CNGB1: variants seen among roughly 807,000 people sequenced by gnomAD.
CNGB1 encodes the protein cyclic nucleotide gated channel subunit beta 1.
Under a neutral mutation model 151.7 loss-of-function variants are expected in CNGB1, and 126 were observed. That is an observed-to-expected ratio of 0.83 (90% CI 0.72 to 0.96). The LOEUF (loss-of-function observed/expected upper bound fraction) is 0.96, where lower values mean the gene tolerates loss of function less well. Among genes scored for constraint, CNGB1 ranks in the 40% least tolerant of loss-of-function variants. CNGB1 has a pLI of 0.00. For synonymous variants in CNGB1, 623 were observed against 635.1 expected, an observed-to-expected ratio of 0.98 and a Z score of 0.29; for missense variants, 1,698 against 1,627.0, an observed-to-expected ratio of 1.04 and a Z score of -0.75.
Position 57,950,467 on chromosome 16 carries a change from G to A in CNGB1, c.948C>T (p.Ala316=), listed in dbSNP as rs1421952784. 1 of 1,614,060 alleles carries A rather than the reference G, an allele frequency of 6.2e-7. No individual in the cohort carries two copies. Among genetic ancestry groups the A allele is most frequent in the African/African-American group, 1.3e-5 (1 of 74,926 alleles). Reference sequence around the variant, plus strand: ...GTGGGCTGGTACTGACATCCTGGTGGGCATCCTCCCAGGGCGGTTCAACCT... The same window carrying A: ...GTGGGCTGGTACTGACATCCTGGTGAGCATCCTCCCAGGGCGGTTCAACCT... The part of the protein sequence containing the change: ...LEEVEPPWED[A]HQDVSTSPQG... The change falls in exon 13 of 33, where the codon GCC becomes GCT. Residue 316 remains alanine, a synonymous_variant. Transcript: ENST00000251102.
At chr16:57,928,669 ACT>A (rs2149370505) in intron 17 of CNGB1, among the ~76,000 whole-genome samples, 1 of 151,752 alleles carries the variant, frequency 6.6e-6, no homozygotes. Context: ...ACAGAGTCTC[ACT>A]CTGTCACCCA....
chr16:57,951,076 C>T (rs527480032), intron 12 of CNGB1, among the ~76,000 whole-genome samples: 1 of 152,314 alleles, frequency 6.6e-6, no homozygotes, highest in Non-Finnish European at 1.5e-5. Context: ...AGAGGCTCCG[C>T]CCTCCAGGGA....
chr16:57,895,551 T>TATATA (rs543964344), intron 31 of CNGB1, among the ~76,000 whole-genome samples: 1 of 147,416 alleles, frequency 6.8e-6, no homozygotes, highest in African/African-American at 2.5e-5. Flanking sequence ...TATGTATTTT[T>TATATA]TATATATATA....
intron 12 of CNGB1, chr16:57,955,159 G>A: frequency 6.7e-7 from 1 of 1,487,050 alleles, no homozygotes; most frequent in Non-Finnish European, 8.9e-7. Flanking sequence ...CTCTGGGGCT[G>A]GTGCAGGTGA....
chr16:57,884,478 C>G, intron 32 of CNGB1, 21 bp from the exon 33 acceptor site: 1 of 1,613,282 alleles, frequency 6.2e-7, no homozygotes, highest in Non-Finnish European at 8.5e-7. Context: ...GAAAGGGTGA[C>G]TCGTGAGGCA....
At chr16:57,900,695 C>T (rs1444170142) in intron 29 of CNGB1, among the ~76,000 whole-genome samples, 7 of 152,132 alleles carry the variant, frequency 4.6e-5, no homozygotes, top group Admixed American at 4.6e-4. Flanking sequence ...GACACGATGT[C>T]CCCCTTTGGG....
intron 14 of CNGB1, among the ~76,000 whole-genome samples, chr16:57,942,833 A>T (rs1242200698): frequency 6.6e-6 from 1 of 151,304 alleles, no homozygotes; most frequent in Non-Finnish European, 1.5e-5. Flanking sequence ...ACTGTACTCC[A>T]GCCTGGGCAA....
chr16:57,924,501 T>C (rs991167431), intron 17 of CNGB1, among the ~76,000 whole-genome samples: 9 of 152,154 alleles, frequency 5.9e-5, no homozygotes, highest in South Asian at 2.1e-4. Context: ...TGACTTCCAT[T>C]AGCATTTAAA....
At chr16:57,953,028 A>T (rs750145203) in intron 12 of CNGB1, among the ~76,000 whole-genome samples, 4 of 152,128 alleles carry the variant, frequency 2.6e-5, no homozygotes, top group African/African-American at 4.8e-5. Flanking sequence ...CCCTCTCTAC[A>T]GGCAGCTGAT....
intron 12 of CNGB1, among the ~76,000 whole-genome samples, chr16:57,952,846 T>C (rs1458030310): frequency 6.6e-6 from 1 of 152,118 alleles, no homozygotes; most frequent in Non-Finnish European, 1.5e-5. Flanking sequence ...AGATGTGTCC[T>C]ATACTGTTCC....
chr16:57,942,862 CAA>C (rs77562880), intron 14 of CNGB1, among the ~76,000 whole-genome samples: 13,842 of 105,770 alleles, frequency 0.13, 666 homozygotes, highest in South Asian at 0.16. Flanking sequence ...GACCCTGTCT[CAA>C]AAAAAAAAAA....
Position 57,967,185 on chromosome 16 carries a change from C to T in CNGB1, c.102G>A (p.Glu34=). 8 of 1,614,206 alleles carry T rather than the reference C, an allele frequency of 5.0e-6. No homozygotes were observed. The highest frequency in any genetic ancestry group is 5.9e-6 in the Non-Finnish European group (7 of 1,180,044). ...EEEVEPEPEM[E]AEVEPEPNPE... is the part of the protein sequence containing the mutation. Reference sequence around the variant, plus strand: ...GATTCGGTTCTGGTTCCACCTCCGCCTCCATCTCTGGCTCTGGTTCCACTT... The same window carrying T: ...GATTCGGTTCTGGTTCCACCTCCGCTTCCATCTCTGGCTCTGGTTCCACTT... The change falls in exon 2 of 33, where the codon GAG becomes GAA. Residue 34 remains glutamate, a synonymous_variant. Coordinates refer to ENST00000251102, the MANE Select transcript of CNGB1 (RefSeq NM_001297.5).
chr16:57,929,174 A>C (rs1961272456), intron 17 of CNGB1, among the ~76,000 whole-genome samples: 1 of 152,180 alleles, frequency 6.6e-6, no homozygotes, highest in African/African-American at 2.4e-5. Context: ...TAACTAAAAA[A>C]TAGGCAAAGA....
intron 12 of CNGB1, among the ~76,000 whole-genome samples, chr16:57,952,396 T>C (rs1308162359): frequency 6.6e-6 from 1 of 152,120 alleles, no homozygotes; most frequent in African/African-American, 2.4e-5. Context: ...CCTTAAGAAT[T>C]GATGCTGTCC....
At chr16:57,940,110 C>A in intron 15 of CNGB1, 124 bp downstream of exon 15, 1 of 950,650 alleles carries the variant, frequency 1.1e-6, no homozygotes, top group South Asian at 1.4e-5. Flanking sequence ...CCACCCTGCT[C>A]CCTCTGTCCT....
At chr16:57,926,398 C>T (rs905275787) in intron 17 of CNGB1, among the ~76,000 whole-genome samples, 3 of 152,172 alleles carry the variant, frequency 2.0e-5, no homozygotes, top group Non-Finnish European at 2.9e-5. Flanking sequence ...TCTAGGCCAG[C>T]GCTCTTCCCC....
rs529514050 is a variant in CNGB1 at position 57,957,456 on chromosome 16, A to G, written c.838-79T>C. On this transcript the variant is annotated intron_variant, in intron 11 of 32. Transcript: ENST00000251102. ...CCCCGTTTCAGCCACACCTTCTAGCACGTGACCTTGACCCACCTCTCCGGG... is the reference window on the plus strand; with the variant it reads ...CCCCGTTTCAGCCACACCTTCTAGCGCGTGACCTTGACCCACCTCTCCGGG... 2.4e-5 allele frequency: 32 copies of G among 1,312,442 alleles called. No individual in the cohort carries two copies. In the East Asian group the frequency reaches 7.2e-4, roughly 30 times the overall value. 81.3% of individuals were successfully genotyped at this position (1,312,442 alleles called of 1,614,324 possible).
chr16:57,908,753 T>C (rs946799270), intron 25 of CNGB1, among the ~76,000 whole-genome samples: 2 of 152,188 alleles, frequency 1.3e-5, no homozygotes, highest in Non-Finnish European at 2.9e-5. Flanking sequence ...CCCCATCCTG[T>C]GCGCATCCCT....
At chr16:57,897,364 A>G (rs1175787546) in intron 31 of CNGB1, 33 bp downstream of exon 31, 1 of 1,613,270 alleles carries the variant, frequency 6.2e-7, no homozygotes, top group African/African-American at 1.3e-5. Context: ...TGTCCTTAGC[A>G]ATTTTTTATT....
Sources: gnomAD v4.1 joint callset for allele counts (sites outside exome capture counted in the v4.1 genomes callset) on GRCh38, gnomAD v4.1.1 for gene constraint, MANE v1.5 for transcripts, NCBI Gene and HGNC (gene_info 2026-07-23, HGNC 2026-07-21) for gene names.